The following SIPA1L3 variants were observed in gnomAD, a reference collection of about 807,000 sequenced individuals.
SIPA1L3 encodes signal-induced proliferation-associated 1-like protein 3.
Under a neutral mutation model 150.1 loss-of-function variants are expected in SIPA1L3, and 59 were observed. The observed-to-expected ratio is 0.39, with a 90% CI of 0.32 to 0.49. SIPA1L3 has a LOEUF of 0.49. SIPA1L3 is among the 20% of genes least tolerant of loss of function. The pLI is 0.86. For synonymous variants in SIPA1L3, 1,070 were observed against 1,077.6 expected, an observed-to-expected ratio of 0.99 and a Z score of 0.14; for missense variants, 2,211 against 2,489.5, an observed-to-expected ratio of 0.89 and a Z score of 2.38.
intron 1 of SIPA1L3, among the ~76,000 whole-genome samples, chr19:38,010,044 A>G (rs1052232984): frequency 6.6e-6 from 1 of 151,900 alleles, no homozygotes. Context: ...TCTCTTAATT[A>G]TGTCTTATAC....
chr19:38,000,912 C>CATATATATAACATATATATGTT (rs1599885813), intron 1 of SIPA1L3, among the ~76,000 whole-genome samples: 1 of 138,060 alleles, frequency 7.2e-6, no homozygotes, highest in East Asian at 2.1e-4. Context: ...ATATATATAA[C>CATATATATAACATATATATGTT]ATATATATAA....
At chr19:37,914,590 T>G (rs2046401507) in intron 1 of SIPA1L3, among the ~76,000 whole-genome samples, 1 of 151,988 alleles carries the variant, frequency 6.6e-6, no homozygotes, top group Non-Finnish European at 1.5e-5. Context: ...TTGGCCAGGG[T>G]GGTCTCAAAC....
chr19:37,959,976 G>A (rs1399922071), intron 1 of SIPA1L3, among the ~76,000 whole-genome samples: 2 of 151,168 alleles, frequency 1.3e-5, no homozygotes, highest in Non-Finnish European at 2.9e-5. Flanking sequence ...TGTTATTATT[G>A]TCACATGTTA....
intron 18 of SIPA1L3, 96 bp downstream of exon 18, chr19:38,193,876 AG>A: frequency 7.5e-7 from 1 of 1,335,470 alleles, no homozygotes; most frequent in Admixed American, 3.1e-5. Context: ...CAAAGGCTAG[AG>A]GTCATCAGTG....
At chr19:38,152,610 G>A (rs111644566) in intron 12 of SIPA1L3, among the ~76,000 whole-genome samples, 5 of 152,216 alleles carry the variant, frequency 3.3e-5, no homozygotes, top group Non-Finnish European at 4.4e-5. Flanking sequence ...TTGCCCCGCC[G>A]CCACCAGCTC....
In SIPA1L3 at chr19:37,936,467, T is replaced by A. The variant is rs547823168; in HGVS notation, c.-379+29109T>A. Among the ~76,000 whole-genome samples, 3 of 152,320 alleles carry A rather than the reference T, an allele frequency of 2.0e-5. No individual in the cohort carries two copies. The South Asian group carries it at 6.2e-4, about 32-fold the overall frequency. On this transcript the variant is annotated intron_variant, in intron 1 of 21. Coordinates refer to ENST00000222345, the MANE Select transcript of SIPA1L3 (RefSeq NM_015073.3). ...GGATTATTTGCAGACATTGACCAGA[T>A]CATTGCTGAGCTCACCTCTCTCATA...
At chr19:38,100,186 G>A (rs200989978) in intron 5 of SIPA1L3, 36 bp downstream of exon 5, 29 of 1,448,036 alleles carry the variant, frequency 2.0e-5, no homozygotes, top group East Asian at 2.7e-5. Flanking sequence ...TGCTGCTGGG[G>A]CAGTACCTTG....
intron 15 of SIPA1L3, among the ~76,000 whole-genome samples, chr19:38,172,203 C>G (rs1408566135): frequency 6.6e-6 from 1 of 152,130 alleles, no homozygotes; most frequent in East Asian, 1.9e-4. Context: ...GAGGGAGATG[C>G]AGGCCCAGGG....
chr19:38,065,778 T>A (rs1327252447), intron 2 of SIPA1L3, among the ~76,000 whole-genome samples: 1 of 152,168 alleles, frequency 6.6e-6, no homozygotes, highest in Non-Finnish European at 1.5e-5. Flanking sequence ...TAAGCTGTGT[T>A]CATTCCCTTG....
At chr19:37,935,097 G>A (rs924399207) in intron 1 of SIPA1L3, among the ~76,000 whole-genome samples, 4 of 152,150 alleles carry the variant, frequency 2.6e-5, no homozygotes, top group African/African-American at 4.8e-5. Flanking sequence ...TAACAGTAGT[G>A]CAATGATGCC....
chr19:38,052,217 T>A (rs1448963852), intron 2 of SIPA1L3, among the ~76,000 whole-genome samples: 1 of 152,204 alleles, frequency 6.6e-6, no homozygotes. Flanking sequence ...CCCTAAGACA[T>A]AGACAAGGCA....
At chr19:38,105,274 A>G (rs1970597401) in intron 6 of SIPA1L3, among the ~76,000 whole-genome samples, 1 of 151,940 alleles carries the variant, frequency 6.6e-6, no homozygotes, top group South Asian at 2.1e-4. Context: ...CTGAAGCAGG[A>G]GAATTGCTTG....
chr19:38,180,946 TAA>T (rs1284008687), intron 15 of SIPA1L3, among the ~76,000 whole-genome samples: 1 of 152,198 alleles, frequency 6.6e-6, no homozygotes, highest in Non-Finnish European at 1.5e-5. Context: ...TCATCAGATT[TAA>T]GAAGTTTCCA....
chr19:38,158,640 G>A (rs569490052), intron 13 of SIPA1L3, among the ~76,000 whole-genome samples: 2 of 152,332 alleles, frequency 1.3e-5, no homozygotes, highest in Admixed American at 6.5e-5. Flanking sequence ...AGAGGTAGGC[G>A]GAGATGCACG....
intron 2 of SIPA1L3, among the ~76,000 whole-genome samples, chr19:38,061,782 C>G (rs778970772): frequency 6.7e-6 from 1 of 150,304 alleles, no homozygotes; most frequent in Non-Finnish European, 1.5e-5. Flanking sequence ...GGTTAACTAG[C>G]TGGTTGGCTG....
chr19:38,021,184 C>T (rs991753659), intron 1 of SIPA1L3, among the ~76,000 whole-genome samples: 3 of 152,132 alleles, frequency 2.0e-5, no homozygotes, highest in Admixed American at 2.0e-4. Context: ...CAGCACGTGG[C>T]CCCCGGCTGC....
rs142085340 is a variant in SIPA1L3, at chr19:38,106,538, C to T, written c.2031C>T (p.Thr677=). The T allele has an allele frequency of 8.0e-5, 128 of 1,608,690 alleles. No homozygotes were observed. The African/African-American group carries it at 8.5e-4, about 11-fold the overall frequency. Residue 677 remains threonine (T), a splice_region_variant and synonymous_variant, in exon 7 of 22, where the codon ACC becomes ACT. Coordinates refer to ENST00000222345, the MANE Select transcript of SIPA1L3 (RefSeq NM_015073.3). ...TCCTAACTGGCATTTCTGTTTCAGC[C>T]GACTCCACGGGAACCCACTCCCTCT... ...TKYAAQLDVK[T]DSTGTHSLYT...
At position 38,046,405 on chromosome 19, in the gene SIPA1L3, C is replaced by T. The variant is rs1036072086; in HGVS notation, c.-311+17249C>T. Among the ~76,000 whole-genome samples, 1 of 152,138 alleles carries T rather than the reference C, an allele frequency of 6.6e-6. No individual in the cohort carries two copies. The highest frequency in any genetic ancestry group is 1.9e-4 in the East Asian group (1 of 5,184). ...TCTTTTGAGTGGCCAGATGACAGCA[C>T]AAAGCTTCAAGGTCGGGGGCCGTGG... On this transcript the variant is annotated intron_variant, in intron 2 of 21. Transcript: ENST00000222345. This position sits in a 1 kb window ranked among gnomAD's most constrained non-coding sequence, Gnocchi z 5.6.
At chr19:37,908,652 G>A (rs932094137) in intron 1 of SIPA1L3, among the ~76,000 whole-genome samples, 4 of 151,172 alleles carry the variant, frequency 2.6e-5, no homozygotes, top group African/African-American at 9.7e-5. Context: ...GCTTCTGTTT[G>A]TACCTACATG....
Sources: gnomAD v4.1 joint callset for allele counts (sites outside exome capture counted in the v4.1 genomes callset) on GRCh38, gnomAD v4.1.1 for gene constraint, Gnocchi (gnomAD v3.1) non-coding constraint, MANE v1.5 for transcripts, NCBI Gene and HGNC (gene_info 2026-07-23, HGNC 2026-07-21) for gene names.